The following ADAMTSL1 variants were observed in gnomAD, a reference collection of about 807,000 sequenced individuals.
The protein encoded by ADAMTSL1 is ADAMTS-like protein 1.
A neutral mutation model predicts 201.8 loss-of-function variants in ADAMTSL1; 126 were observed. That is an observed-to-expected ratio of 0.62 (90% CI 0.54 to 0.72). The LOEUF (loss-of-function observed/expected upper bound fraction) is 0.72. Among genes scored for constraint, ADAMTSL1 ranks in the 30% least tolerant of loss-of-function variants. The pLI is 0.00. For missense variants in ADAMTSL1, 2,679 were observed against 2,277.8 expected, an observed-to-expected ratio of 1.18 and a Z score of -3.59; for synonymous variants, 1,121 against 903.4, an observed-to-expected ratio of 1.24 and a Z score of -4.32.
intron 1 of ADAMTSL1, among the ~76,000 whole-genome samples, chr9:18,146,082 A>G: frequency 6.6e-6 from 1 of 152,154 alleles, no homozygotes; most frequent in Non-Finnish European, 1.5e-5. Flanking sequence ...GTCAATATTA[A>G]TTGTTGAGAA....
intron 2 of ADAMTSL1, among the ~76,000 whole-genome samples, chr9:18,214,271 T>C (rs956178769): frequency 6.6e-6 from 1 of 152,204 alleles, no homozygotes; most frequent in Non-Finnish European, 1.5e-5. Flanking sequence ...TTATAGTACA[T>C]GTTATCATAA....
At chr9:18,561,608 G>A (rs1821501080) in intron 3 of ADAMTSL1, among the ~76,000 whole-genome samples, 1 of 152,110 alleles carries the variant, frequency 6.6e-6, no homozygotes, top group African/African-American at 2.4e-5. Context: ...TTGTTGATCT[G>A]TCTAATATTG....
In ADAMTSL1 at chr9:18,499,054, A is replaced by G. The variant is rs1235938211; in HGVS notation, c.64-5775A>G. On this transcript the variant is annotated intron_variant, in intron 1 of 28. Transcript: ENST00000380548. ...TACCCAAAAGTCCTCCTTGGCCTGT[A>G]TAGCTTTTACACCCTGTTACAGAAT... 3.3e-5 allele frequency among the ~76,000 whole-genome samples: 5 copies of G among 152,254 alleles called. 1 individual carries two copies. The highest frequency in any genetic ancestry group is 3.3e-4 in the Admixed American group (5 of 15,286).
intron 23 of ADAMTSL1, among the ~76,000 whole-genome samples, chr9:18,850,159 G>A (rs973081419): frequency 6.6e-6 from 1 of 152,202 alleles, no homozygotes; most frequent in African/African-American, 2.4e-5. Flanking sequence ...AGGAAATGAG[G>A]ACCTTGAGAA....
chr9:18,400,840 G>A (rs1358732281), intron 2 of ADAMTSL1, among the ~76,000 whole-genome samples: 1 of 152,138 alleles, frequency 6.6e-6, no homozygotes, highest in Non-Finnish European at 1.5e-5. Context: ...CATGACATTA[G>A]GTGATTCAAT....
intron 2 of ADAMTSL1, among the ~76,000 whole-genome samples, chr9:18,197,961 A>G (rs1370890547): frequency 1.3e-5 from 2 of 152,246 alleles, no homozygotes; most frequent in East Asian, 3.9e-4. Flanking sequence ...CCGCATATCT[A>G]CAACGATCTG....
intron 1 of ADAMTSL1, among the ~76,000 whole-genome samples, chr9:18,078,882 A>G (rs1341038954): frequency 6.6e-6 from 1 of 152,218 alleles, no homozygotes; most frequent in Admixed American, 6.5e-5. Flanking sequence ...GCATCAAGAA[A>G]CAATCATGAT....
At chr9:18,234,338 G>C (rs1309889804) in intron 2 of ADAMTSL1, among the ~76,000 whole-genome samples, 1 of 152,154 alleles carries the variant, frequency 6.6e-6, no homozygotes, top group Non-Finnish European at 1.5e-5. Context: ...GAGAAATCCA[G>C]GTGGAGATGT....
intron 17 of ADAMTSL1, among the ~76,000 whole-genome samples, chr9:18,774,062 C>A (rs1820842104): frequency 6.6e-6 from 1 of 152,166 alleles, no homozygotes; most frequent in Admixed American, 6.5e-5. Context: ...AATATAAGAT[C>A]ATTTTTTGTT....
intron 2 of ADAMTSL1, among the ~76,000 whole-genome samples, chr9:18,505,468 G>T (rs1458818230): frequency 6.6e-6 from 1 of 152,136 alleles, no homozygotes; most frequent in Non-Finnish European, 1.5e-5. Context: ...AAGGAAGTTT[G>T]GAAAAATAGA....
intron 2 of ADAMTSL1, among the ~76,000 whole-genome samples, chr9:18,461,984 A>T (rs111443331): frequency 0.019 from 2,954 of 152,220 alleles, 75 homozygotes; most frequent in African/African-American, 0.056. Flanking sequence ...AACTTTCTAT[A>T]TGTGAGTTTT....
At chr9:18,771,063 G>T (rs1159945766) in intron 17 of ADAMTSL1, among the ~76,000 whole-genome samples, 2 of 152,064 alleles carry the variant, frequency 1.3e-5, no homozygotes, top group African/African-American at 2.4e-5. Context: ...TTTGGCCCCA[G>T]GATTCTTTTC....
intron 2 of ADAMTSL1, among the ~76,000 whole-genome samples, chr9:18,341,607 A>C (rs1479411349): frequency 1.3e-5 from 2 of 152,176 alleles, no homozygotes; most frequent in Non-Finnish European, 2.9e-5. Flanking sequence ...GCTTGGATAC[A>C]TAATTTATAA....
intron 2 of ADAMTSL1, among the ~76,000 whole-genome samples, chr9:18,373,945 G>T (rs1837169233): frequency 6.6e-6 from 1 of 152,162 alleles, no homozygotes; most frequent in Non-Finnish European, 1.5e-5. Flanking sequence ...GATGATAGTA[G>T]CCAGCATGTA....
chr9:18,492,497 G>A (rs1822316126), intron 1 of ADAMTSL1, among the ~76,000 whole-genome samples: 1 of 152,202 alleles, frequency 6.6e-6, no homozygotes, highest in South Asian at 2.1e-4. Flanking sequence ...AGTCCCAGCA[G>A]AGATTCTCTG....
intron 1 of ADAMTSL1, among the ~76,000 whole-genome samples, chr9:18,134,627 G>T (rs1441904859): frequency 6.6e-6 from 1 of 152,186 alleles, no homozygotes; most frequent in Non-Finnish European, 1.5e-5. Context: ...AAGAAGTACT[G>T]TTCTATGTAA....
intron 2 of ADAMTSL1, among the ~76,000 whole-genome samples, chr9:18,164,692 A>G (rs1827555677): frequency 6.6e-6 from 1 of 151,876 alleles, no homozygotes; most frequent in Non-Finnish European, 1.5e-5. Context: ...TATACAAGCT[A>G]GTGGGTTTCT....
intron 2 of ADAMTSL1, among the ~76,000 whole-genome samples, chr9:18,209,383 A>T (rs1829781061): frequency 6.6e-6 from 1 of 152,166 alleles, no homozygotes; most frequent in African/African-American, 2.4e-5. Context: ...GTGTAGTAAA[A>T]TGCCTTTTTG....
intron 15 of ADAMTSL1, among the ~76,000 whole-genome samples, chr9:18,728,400 G>C (rs1165288978): frequency 6.6e-6 from 1 of 151,950 alleles, no homozygotes; most frequent in African/African-American, 2.4e-5. Flanking sequence ...TAGACCGTTG[G>C]TTAACGTTAA....
Sources: allele counts gnomAD v4.1 joint callset (sites outside exome capture counted in the v4.1 genomes callset), GRCh38; gene constraint gnomAD v4.1.1; transcripts MANE v1.5; gene names NCBI Gene and HGNC (gene_info 2026-07-23, HGNC 2026-07-21).